ANO3: variants seen among roughly 807,000 people sequenced by gnomAD.
ANO3 encodes anoctamin-3.
ANO3 carries 99 observed loss-of-function variants against 144.8 expected under a neutral mutation model. The observed-to-expected ratio is 0.68, with a 90% CI of 0.58 to 0.81. The LOEUF is 0.81. Ranked by LOEUF, ANO3 falls within the 30% of genes least tolerant of loss-of-function variation. The pLI is 0.00. For synonymous variants in ANO3, 414 were observed against 392.6 expected (o/e 1.05, Z -0.64); for missense variants, 905 against 1,202.2 (o/e 0.75, Z 3.66).
At chr11:26,337,319 A>G (rs561504155) in intron 1 of ANO3, among the ~76,000 whole-genome samples, 72 of 152,320 alleles carry the variant, frequency 4.7e-4, no homozygotes, top group Non-Finnish European at 9.4e-4. Flanking sequence ...TGTGATAAAT[A>G]TATATCCTCT....
At chr11:26,294,875 T>A (rs1854049989) in intron 1 of ANO3, among the ~76,000 whole-genome samples, 1 of 151,970 alleles carries the variant, frequency 6.6e-6, no homozygotes, top group African/African-American at 2.4e-5. Flanking sequence ...TTTTCCTTTT[T>A]TTTCTTCTTT....
chr11:26,641,970 A>G lies in ANO3; in HGVS notation c.2216A>G (p.Asn739Ser). The change falls in exon 22 of 27, where the codon AAT becomes AGT. Residue 739 changes from asparagine (N) to serine (S), a missense_variant. Transcript: ENST00000256737. ...IHDASIPQWE[N>S]DWNLQPMNLH... ...GATGCTTCCATACCTCAGTGGGAAA[A>G]TGATTGGAATCTGCAGCCCATGAAC... 1.2e-6 allele frequency: 2 copies of G among 1,614,080 alleles called. No individual in the cohort carries two copies. The highest frequency in any genetic ancestry group is 1.7e-6 in the Non-Finnish European group (2 of 1,179,968).
At chr11:26,587,645 A>G (rs1851323964) in intron 14 of ANO3, among the ~76,000 whole-genome samples, 1 of 152,144 alleles carries the variant, frequency 6.6e-6, no homozygotes. Context: ...AGGTCCCACT[A>G]CTGCTAAGCA....
intron 1 of ANO3, among the ~76,000 whole-genome samples, chr11:26,382,060 TTAA>T (rs1246203007): frequency 6.6e-6 from 1 of 152,144 alleles, no homozygotes; most frequent in African/African-American, 2.4e-5. Flanking sequence ...AAATTTTGGG[TTAA>T]TAATTTATTA....
At chr11:26,556,178 T>C (rs1400380628) in intron 13 of ANO3, among the ~76,000 whole-genome samples, 1 of 152,174 alleles carries the variant, frequency 6.6e-6, no homozygotes, top group African/African-American at 2.4e-5. Flanking sequence ...AATTTAGTGA[T>C]ATTTGCACAC....
intron 6 of ANO3, among the ~76,000 whole-genome samples, chr11:26,522,988 GTAATTTATAAACGGAAATGGTT>G (rs1862144545): frequency 6.6e-6 from 1 of 152,118 alleles, no homozygotes; most frequent in Non-Finnish European, 1.5e-5. Context: ...ATGAGACTCG[GTAATTTATAAACGGAAATGGTT>G]TAATTGACTC....
At chr11:26,605,596 A>G (rs754681558) in intron 17 of ANO3, among the ~76,000 whole-genome samples, 17 of 152,096 alleles carry the variant, frequency 1.1e-4, no homozygotes, top group Admixed American at 2.0e-4. Flanking sequence ...TACTGCATCA[A>G]TTTCAGAATA....
At chr11:26,496,995 T>TATAC (rs1206312744) in intron 4 of ANO3, among the ~76,000 whole-genome samples, 48 of 126,636 alleles carry the variant, frequency 3.8e-4, no homozygotes, top group South Asian at 1.1e-3. Flanking sequence ...TATATATATA[T>TATAC]ACACACACAG....
chr11:26,596,861 C>G (rs1317378110), intron 14 of ANO3, among the ~76,000 whole-genome samples: 1 of 152,154 alleles, frequency 6.6e-6, no homozygotes, highest in Non-Finnish European at 1.5e-5. Flanking sequence ...GAGTTCAGGA[C>G]GACAGCTTTC....
At chr11:26,412,934 A>G (rs1201056598) in intron 1 of ANO3, among the ~76,000 whole-genome samples, 1 of 151,728 alleles carries the variant, frequency 6.6e-6, no homozygotes, top group Non-Finnish European at 1.5e-5. Flanking sequence ...CTCCCCATTA[A>G]TCTCTGAAGT....
At chr11:26,367,313 T>A (rs1856120575) in intron 1 of ANO3, among the ~76,000 whole-genome samples, 2 of 152,114 alleles carry the variant, frequency 1.3e-5, no homozygotes, top group South Asian at 4.1e-4. Context: ...CTTCCACAGA[T>A]CCCTAGGACA....
chr11:26,497,610 G>T (rs972978447), intron 4 of ANO3, among the ~76,000 whole-genome samples: 2 of 152,064 alleles, frequency 1.3e-5, no homozygotes, highest in African/African-American at 4.8e-5. Context: ...CACTGGGTCT[G>T]TGAGGTTACT....
At chr11:26,302,642 T>G (rs1273348717) in intron 1 of ANO3, among the ~76,000 whole-genome samples, 1 of 152,092 alleles carries the variant, frequency 6.6e-6, no homozygotes, top group Non-Finnish European at 1.5e-5. Context: ...AATAACAAAG[T>G]ACAAATGCAT....
At chr11:26,497,445 C>G (rs1237416345) in intron 4 of ANO3, among the ~76,000 whole-genome samples, 1 of 152,006 alleles carries the variant, frequency 6.6e-6, no homozygotes. Flanking sequence ...AGAGGTTGTA[C>G]TAATTTACAT....
At chr11:26,595,545 C>A (rs1851598853) in intron 14 of ANO3, among the ~76,000 whole-genome samples, 1 of 136,450 alleles carries the variant, frequency 7.3e-6, no homozygotes, top group African/African-American at 2.8e-5. Context: ...TTTGAGCAGA[C>A]CAATTATTAG....
chr11:26,189,010 A>G (rs1851426738), exon 1 of ANO3: 1 of 171,786 alleles, frequency 5.8e-6, no homozygotes, highest in Non-Finnish European at 1.2e-5. Flanking sequence ...AACCTCTTAG[A>G]GTCAGCTCTG....
intron 1 of ANO3, among the ~76,000 whole-genome samples, chr11:26,296,526 C>T (rs1854093414): frequency 1.3e-5 from 2 of 152,136 alleles, no homozygotes; most frequent in Admixed American, 6.6e-5. Context: ...AGATTGATTT[C>T]CTCCTTGAAT....
intron 1 of ANO3, among the ~76,000 whole-genome samples, chr11:26,244,880 T>C (rs2133814134): frequency 6.6e-6 from 1 of 152,210 alleles, no homozygotes; most frequent in African/African-American, 2.4e-5. Flanking sequence ...TAATTATTTA[T>C]TTGTTAATTC....
At chr11:26,457,323 G>A (rs1178805932) in intron 3 of ANO3, among the ~76,000 whole-genome samples, 2 of 83,010 alleles carry the variant, frequency 2.4e-5, no homozygotes, top group African/African-American at 4.0e-5. Flanking sequence ...AAATAAAAAT[G>A]TTTTGACTCT....
Sources: allele counts gnomAD v4.1 joint callset (sites outside exome capture counted in the v4.1 genomes callset), GRCh38; gene constraint gnomAD v4.1.1; transcripts MANE v1.5; gene names NCBI Gene and HGNC (gene_info 2026-07-23, HGNC 2026-07-21).